The following KCNIP4 variants were observed in gnomAD, a reference collection of about 807,000 sequenced individuals.
KCNIP4 encodes the protein potassium voltage-gated channel interacting protein 4, also known as Kv channel-interacting protein 4.
Under a neutral mutation model 34.0 loss-of-function variants are expected in KCNIP4, and 12 were observed. The observed-to-expected ratio is 0.35, with a 90% CI of 0.23 to 0.57. The LOEUF is 0.57. Ranked by LOEUF, KCNIP4 falls within the 20% of genes least tolerant of loss-of-function variation. The pLI, the probability that KCNIP4 is intolerant of heterozygous loss-of-function variation, is 0.83. For missense variants in KCNIP4, 238 were observed against 311.7 expected (o/e 0.76, Z 1.78); for synonymous variants, 124 against 102.2 (o/e 1.21, Z -1.29).
intron 1 of KCNIP4, among the ~76,000 whole-genome samples, chr4:21,780,033 G>T (rs953883598): frequency 6.6e-6 from 1 of 152,106 alleles, no homozygotes; most frequent in East Asian, 1.9e-4. Flanking sequence ...GAACTCGGAT[G>T]CTTAGTAAAT....
intron 1 of KCNIP4, among the ~76,000 whole-genome samples, chr4:21,326,264 T>A (rs1406879869): frequency 1.3e-5 from 2 of 149,938 alleles, no homozygotes; most frequent in East Asian, 3.9e-4. Context: ...GCTTTATACA[T>A]CTGGGTGCTC....
At chr4:21,165,487 T>TAAAAAAAAAAAAAAAAAAAAAAA (rs1753566343) in intron 1 of KCNIP4, among the ~76,000 whole-genome samples, 1 of 108,610 alleles carries the variant, frequency 9.2e-6, no homozygotes, top group Non-Finnish European at 2.1e-5. Flanking sequence ...AAAATTATAC[T>TAAAAAAAAAAAAAAAAAAAAAAA]AAAAATTAGG....
intron 1 of KCNIP4, among the ~76,000 whole-genome samples, chr4:21,624,957 A>C (rs1745226378): frequency 6.6e-6 from 1 of 152,146 alleles, no homozygotes; most frequent in African/African-American, 2.4e-5. Flanking sequence ...AAAGTAGCTG[A>C]CAGAATGTGG....
At chr4:21,637,156 T>C (rs1027022270) in intron 1 of KCNIP4, among the ~76,000 whole-genome samples, 27 of 152,132 alleles carry the variant, frequency 1.8e-4, no homozygotes, top group Admixed American at 1.6e-3. Context: ...GGGTGGACTG[T>C]ACTGATCAGC....
intron 1 of KCNIP4, among the ~76,000 whole-genome samples, chr4:21,115,286 G>A (rs1257926057): frequency 6.6e-6 from 1 of 152,160 alleles, no homozygotes; most frequent in African/African-American, 2.4e-5. Flanking sequence ...ATAGTAGTTG[G>A]TGTCATGTAG....
intron 1 of KCNIP4, among the ~76,000 whole-genome samples, chr4:21,457,716 C>T (rs980468077): frequency 1.3e-5 from 2 of 151,974 alleles, no homozygotes; most frequent in African/African-American, 2.4e-5. Context: ...GCAGAGCTGG[C>T]GTATGGCAGT....
chr4:21,648,688 A>C (rs929124673), intron 1 of KCNIP4, among the ~76,000 whole-genome samples: 2 of 152,216 alleles, frequency 1.3e-5, no homozygotes, highest in African/African-American at 4.8e-5. Context: ...ATTTTCATTC[A>C]CATATAGATC....
intron 2 of KCNIP4, among the ~76,000 whole-genome samples, chr4:20,853,307 A>AT (rs1310437080): frequency 4.2e-5 from 6 of 141,718 alleles, no homozygotes; most frequent in African/African-American, 1.5e-4. Context: ...AGACCAGTGG[A>AT]ACAGAATAGA....
chr4:21,929,800 C>G (rs1328878131), intron 1 of KCNIP4, among the ~76,000 whole-genome samples: 1 of 152,146 alleles, frequency 6.6e-6, no homozygotes, highest in African/African-American at 2.4e-5. Context: ...CAAATCCTTT[C>G]AATTCTCATT....
In KCNIP4 at chr4:20,905,522, T is replaced by TTTTTTTTTTTTTTTTTTTTTTTTTTG. The variant is rs768668990; in HGVS notation, c.62-22814_62-22813insCAAAAAAAAAAAAAAAAAAAAAAAAA. On this transcript the variant is annotated intron_variant, in intron 1 of 8. Transcript: ENST00000382152. ...AACGTTTTCTTTCTTTTTTTTTTTTTTTTGTTTGAGATGGAGTCTTGCTCT... is the reference window on the plus strand; with the variant it reads ...AACGTTTTCTTTCTTTTTTTTTTTTTTTTTTTTTTTTTTTTTTTTTTTTTTGTTTGTTTGAGATGGAGTCTTGCTCT... Among the ~76,000 whole-genome samples, 39 of 111,244 alleles carry TTTTTTTTTTTTTTTTTTTTTTTTTTG rather than the reference T, an allele frequency of 3.5e-4. 1 individual carries two copies. Among genetic ancestry groups the TTTTTTTTTTTTTTTTTTTTTTTTTTG allele is most frequent in the Non-Finnish European group, 4.7e-4 (26 of 54,898 alleles). The allele number at this position is 111,244 out of a possible 152,430, so 73.0% of individuals were successfully genotyped here. A position where few individuals can be genotyped will look rare whatever the true frequency, so the allele number is the denominator to read the frequency against.
At chr4:21,633,274 AT>A (rs781704472) in intron 1 of KCNIP4, among the ~76,000 whole-genome samples, 13 of 151,448 alleles carry the variant, frequency 8.6e-5, no homozygotes, top group East Asian at 3.9e-4. Context: ...AATCCCCCCA[AT>A]TTTTTTTTGT....
intron 1 of KCNIP4, among the ~76,000 whole-genome samples, chr4:21,310,843 C>T (rs967184723): frequency 1.3e-4 from 20 of 151,730 alleles, no homozygotes; most frequent in African/African-American, 4.6e-4. Context: ...TTAGCCAGGA[C>T]GGTCTGGATC....
intron 1 of KCNIP4, among the ~76,000 whole-genome samples, chr4:21,803,619 C>A (rs1721128406): frequency 6.6e-6 from 1 of 152,138 alleles, no homozygotes; most frequent in Admixed American, 6.6e-5. Context: ...CTCAATGTCT[C>A]CAAAATGCTA....
At chr4:21,373,567 A>T (rs1372899613) in intron 1 of KCNIP4, among the ~76,000 whole-genome samples, 1 of 147,154 alleles carries the variant, frequency 6.8e-6, no homozygotes, top group Non-Finnish European at 1.5e-5. Context: ...ATGTTATTTG[A>T]TATCAATAAG....
chr4:21,279,259 G>T (rs1762628866), intron 1 of KCNIP4, among the ~76,000 whole-genome samples: 1 of 152,064 alleles, frequency 6.6e-6, no homozygotes, highest in Non-Finnish European at 1.5e-5. Flanking sequence ...TCAGAGTTAG[G>T]GTAGGGTGGC....
At chr4:21,210,782 T>C (rs1757170849) in intron 1 of KCNIP4, among the ~76,000 whole-genome samples, 1 of 152,186 alleles carries the variant, frequency 6.6e-6, no homozygotes, top group Admixed American at 6.5e-5. Flanking sequence ...TAATGTTTAA[T>C]GAATAATTAA....
At chr4:20,990,023 C>T (rs1736947543) in intron 1 of KCNIP4, among the ~76,000 whole-genome samples, 1 of 152,114 alleles carries the variant, frequency 6.6e-6, no homozygotes, top group Admixed American at 6.6e-5. Flanking sequence ...TTGAGACCTC[C>T]AAGCCAGGCG....
At chr4:21,368,416 C>A (rs911718527) in intron 1 of KCNIP4, among the ~76,000 whole-genome samples, 3 of 147,168 alleles carry the variant, frequency 2.0e-5, no homozygotes, top group Admixed American at 2.0e-4. Flanking sequence ...TACACTCCCC[C>A]CAAAATAGCT....
intron 2 of KCNIP4, among the ~76,000 whole-genome samples, chr4:20,878,013 C>A (rs536888517): frequency 4.6e-4 from 70 of 151,558 alleles, no homozygotes; most frequent in African/African-American, 1.6e-3. Flanking sequence ...GGAAAAACAG[C>A]TACTACTCTA....
Sources: allele counts gnomAD v4.1 joint callset (sites outside exome capture counted in the v4.1 genomes callset), GRCh38; gene constraint gnomAD v4.1.1; transcripts MANE v1.5; gene names NCBI Gene and HGNC (gene_info 2026-07-23, HGNC 2026-07-21).